ARMC8: variants seen among roughly 807,000 people sequenced by gnomAD.
ARMC8 encodes armadillo repeat containing 8.
Under a neutral mutation model 99.3 loss-of-function variants are expected in ARMC8, and 20 were observed. The observed-to-expected ratio is 0.20, with a 90% CI of 0.14 to 0.29. The LOEUF (loss-of-function observed/expected upper bound fraction) is 0.29. Among genes scored for constraint, ARMC8 ranks in the 10% least tolerant of loss-of-function variants. The probability of loss-of-function intolerance (pLI) is 1.00; values close to 1 mark genes in which losing one functional copy is unlikely to be tolerated. For synonymous variants in ARMC8, 263 were observed against 278.3 expected (o/e 0.95, Z 0.55); for missense variants, 569 against 809.5 (o/e 0.70, Z 3.60).
intron 5 of ARMC8, among the ~76,000 whole-genome samples, chr3:138,228,528 T>G (rs1281103625): frequency 2.6e-5 from 4 of 152,208 alleles, no homozygotes; most frequent in African/African-American, 9.7e-5. Context: ...AATTTTCAAA[T>G]TTTATTTTTA....
intron 7 of ARMC8, among the ~76,000 whole-genome samples, chr3:138,235,798 C>CTTTTTTTTTTTTT (rs71146120): frequency 1.1e-4 from 9 of 80,526 alleles, no homozygotes; most frequent in Admixed American, 1.5e-4. Flanking sequence ...TCCTTTTAGT[C>CTTTTTTTTTTTTT]TTTTTTTTTT....
At chr3:138,274,357 T>C (rs1576931850) in intron 17 of ARMC8, 92 bp from the exon 18 acceptor site, 2 of 793,250 alleles carry the variant, frequency 2.5e-6, no homozygotes, top group East Asian at 2.5e-5. Context: ...ATGAAGCAGT[T>C]GTGAATCATA....
chr3:138,230,882 T>A (rs2108121496), intron 6 of ARMC8, among the ~76,000 whole-genome samples: 1 of 152,386 alleles, frequency 6.6e-6, no homozygotes, highest in Non-Finnish European at 1.5e-5. Context: ...ATTGCTCATC[T>A]GAAACTTCTC....
intron 19 of ARMC8, among the ~76,000 whole-genome samples, chr3:138,286,708 G>T (rs2050452584): frequency 6.6e-6 from 1 of 152,020 alleles, no homozygotes; most frequent in African/African-American, 2.4e-5. Context: ...ATCACTGGGT[G>T]GTTCTTACGT....
chr3:138,268,165 C>G (rs531996711), intron 15 of ARMC8, among the ~76,000 whole-genome samples: 18 of 152,224 alleles, frequency 1.2e-4, no homozygotes, highest in Non-Finnish European at 2.1e-4. Flanking sequence ...ATCACTTGAA[C>G]CCGGGAGGCA....
At chr3:138,228,575 A>G (rs1413676887) in intron 5 of ARMC8, 1 of 400,470 alleles carries the variant, frequency 2.5e-6, no homozygotes, top group Non-Finnish European at 4.8e-6. Flanking sequence ...TTACTAGTGC[A>G]TAACGTACTA....
intron 21 of ARMC8, among the ~76,000 whole-genome samples, chr3:138,293,023 C>CCCACTCT (rs2051120085): frequency 6.6e-6 from 1 of 152,190 alleles, no homozygotes; most frequent in South Asian, 2.1e-4. Context: ...CCTTGCCTGA[C>CCCACTCT]CCACTCTCCA....
intron 12 of ARMC8, among the ~76,000 whole-genome samples, chr3:138,251,249 A>T (rs2047111505): frequency 6.6e-6 from 1 of 152,208 alleles, no homozygotes; most frequent in Non-Finnish European, 1.5e-5. Flanking sequence ...TAACAGTATA[A>T]ATGTACCGTG....
intron 21 of ARMC8, among the ~76,000 whole-genome samples, chr3:138,294,523 T>G (rs2051283207): frequency 6.6e-6 from 1 of 152,212 alleles, no homozygotes; most frequent in African/African-American, 2.4e-5. Flanking sequence ...AATATCATCT[T>G]TAGAGTCTTA....
chr3:138,284,316 G>A (rs766533735), intron 18 of ARMC8, 115 bp from the exon 19 acceptor site: 26 of 733,896 alleles, frequency 3.5e-5, no homozygotes, highest in Middle Eastern at 4.8e-4. Context: ...GGCATTGAGA[G>A]TGGAACCTGT....
intron 19 of ARMC8, among the ~76,000 whole-genome samples, chr3:138,287,338 C>T (rs959725711): frequency 2.0e-5 from 3 of 152,064 alleles, no homozygotes; most frequent in Non-Finnish European, 4.4e-5. Context: ...ATTTCAAGCC[C>T]CTTGCTCTTT....
intron 9 of ARMC8, 85 bp downstream of exon 9, chr3:138,237,657 C>A: frequency 2.8e-6 from 3 of 1,056,058 alleles, no homozygotes; most frequent in Non-Finnish European, 2.8e-6. Flanking sequence ...TGCTTGCTTC[C>A]AATCCCCATT....
chr3:138,206,291 A>G (rs1351576987), intron 1 of ARMC8, among the ~76,000 whole-genome samples: 1 of 152,252 alleles, frequency 6.6e-6, no homozygotes, highest in Non-Finnish European at 1.5e-5. Flanking sequence ...AAAGTTTAAA[A>G]TATAAACAAA....
intron 2 of ARMC8, among the ~76,000 whole-genome samples, chr3:138,215,681 A>T (rs2044985415): frequency 6.6e-6 from 1 of 152,112 alleles, no homozygotes. Context: ...AGAGAGTGTA[A>T]GGTGATTTGT....
chr3:138,295,461 G>A (rs2051396142), intron 21 of ARMC8, among the ~76,000 whole-genome samples: 1 of 152,198 alleles, frequency 6.6e-6, no homozygotes, highest in Non-Finnish European at 1.5e-5. Flanking sequence ...AACCCTAAGT[G>A]TTCTCCCTAG....
chr3:138,207,196 A>G (rs550425664), intron 1 of ARMC8, among the ~76,000 whole-genome samples: 12 of 152,310 alleles, frequency 7.9e-5, no homozygotes, highest in Admixed American at 6.5e-4. Context: ...TCCAAAGCCA[A>G]TTCCTGAAAG....
At chr3:138,224,522 GAT>G (rs1158799635) in intron 5 of ARMC8, among the ~76,000 whole-genome samples, 4 of 152,058 alleles carry the variant, frequency 2.6e-5, no homozygotes, top group Non-Finnish European at 4.4e-5. Context: ...GTTCAAGATG[GAT>G]ATATCACCTG....
At chr3:138,289,273 A>G (rs1316143638) in intron 20 of ARMC8, among the ~76,000 whole-genome samples, 153 bp downstream of exon 20, 2 of 152,188 alleles carry the variant, frequency 1.3e-5, no homozygotes, top group Non-Finnish European at 2.9e-5. Flanking sequence ...TATGAGAATC[A>G]GTGGAACTAG....
In ARMC8 at chr3:138,297,875, T is replaced by A. The variant is rs1316994477; in HGVS notation, c.*1983T>A. On this transcript the variant is annotated 3_prime_UTR_variant, in exon 22 of 22. Transcript: ENST00000469044. Reference sequence around the variant, plus strand: ...GGTATTAAATAGTACTAGGTAAATATAAAGAAACCAATAATGAATTGCTGA... The same window carrying A: ...GGTATTAAATAGTACTAGGTAAATAAAAAGAAACCAATAATGAATTGCTGA... 4 of 152,206 alleles carry A rather than the reference T, an allele frequency of 2.6e-5. No individual in the cohort carries two copies. The highest frequency in any genetic ancestry group is 9.7e-5 in the African/African-American group (4 of 41,446). The allele number at this position is 152,206 out of a possible 1,614,324, so 9.4% of individuals were successfully genotyped here. A position where few individuals can be genotyped will look rare whatever the true frequency, so the allele number is the denominator to read the frequency against.
Sources: allele counts gnomAD v4.1 joint callset (sites outside exome capture counted in the v4.1 genomes callset), GRCh38; gene constraint gnomAD v4.1.1; transcripts MANE v1.5; gene names NCBI Gene and HGNC (gene_info 2026-07-23, HGNC 2026-07-21).